MYO1D: variants seen among roughly 807,000 people sequenced by gnomAD.
The protein encoded by MYO1D is myosin ID, also known as unconventional myosin-Id.
In MYO1D, 83 loss-of-function variants were observed where a neutral mutation model predicts 122.0. The ratio of observed to expected loss-of-function variants is 0.68; its 90% CI spans 0.57 to 0.82. MYO1D has a LOEUF of 0.82. Among genes scored for constraint, MYO1D ranks in the 40% least tolerant of loss-of-function variants. MYO1D has a pLI of 0.00. For synonymous variants in MYO1D, 464 were observed against 446.9 expected, an observed-to-expected ratio of 1.04 and a Z score of -0.48; for missense variants, 1,157 against 1,269.5, an observed-to-expected ratio of 0.91 and a Z score of 1.35.
chr17:32,498,918 A>G (rs1219319269), intron 21 of MYO1D: 2 of 152,190 alleles, frequency 1.3e-5, no homozygotes, highest in African/African-American at 4.8e-5. Flanking sequence ...TAAATCCTAC[A>G]AGCAGGCCGG....
At chr17:32,502,792 A>G (rs983896782) in intron 21 of MYO1D, among the ~76,000 whole-genome samples, 1 of 152,202 alleles carries the variant, frequency 6.6e-6, no homozygotes, top group African/African-American at 2.4e-5. Flanking sequence ...TGGAAATCCA[A>G]CTAGAGCCAG....
chr17:32,772,914 G>A, intron 4 of MYO1D, 72 bp from the exon 5 acceptor site: 4 of 1,285,690 alleles, frequency 3.1e-6, no homozygotes, highest in African/African-American at 1.5e-5. Flanking sequence ...CACTTTCTTA[G>A]GGAACTGTCA....
intron 21 of MYO1D, among the ~76,000 whole-genome samples, chr17:32,580,233 C>T (rs1466883015): frequency 7.0e-6 from 1 of 141,930 alleles, no homozygotes. Context: ...GATTTTTTCA[C>T]AGATGTACTT....
At chr17:32,708,678 A>G (rs1053382620) in intron 16 of MYO1D, among the ~76,000 whole-genome samples, 1 of 152,224 alleles carries the variant, frequency 6.6e-6, no homozygotes. Flanking sequence ...TAGGTCGCAC[A>G]TAAGATACCC....
At chr17:32,783,404 A>G (rs1358044430) in intron 1 of MYO1D, among the ~76,000 whole-genome samples, 1 of 152,160 alleles carries the variant, frequency 6.6e-6, no homozygotes, top group Non-Finnish European at 1.5e-5. Flanking sequence ...AAAATAATTA[A>G]ATGGCTTGGC....
intron 21 of MYO1D, among the ~76,000 whole-genome samples, chr17:32,524,530 C>T (rs1242079788): frequency 2.0e-5 from 3 of 151,610 alleles, no homozygotes; most frequent in African/African-American, 4.9e-5. Context: ...GTAGCTGGGA[C>T]CACACAGGTG....
chr17:32,643,871 G>C (rs1460953257), intron 19 of MYO1D, among the ~76,000 whole-genome samples: 2 of 152,082 alleles, frequency 1.3e-5, no homozygotes, highest in East Asian at 1.9e-4. Context: ...CAACAAACCA[G>C]CTCCTGGATT....
At chr17:32,781,734 C>CAAAAAA (rs35583086) in intron 1 of MYO1D, among the ~76,000 whole-genome samples, 1 of 108,360 alleles carries the variant, frequency 9.2e-6, no homozygotes, top group African/African-American at 3.4e-5. Context: ...GGCCACAGGA[C>CAAAAAA]AAAAAAAAAA....
chr17:32,805,862 T>A lies in MYO1D; in HGVS notation c.96-25078A>T, dbSNP rs1380758877. Among the ~76,000 whole-genome samples the A allele has an allele frequency of 2.0e-5, 3 of 152,304 alleles. No homozygotes were observed. In the East Asian group the frequency reaches 5.8e-4, roughly 29 times the overall value. ...GATAGACATAGGACCTCAAGCCACA[T>A]CTTTAGGGCTTTTCACCATCTTTAT... On this transcript the variant is annotated intron_variant, in intron 1 of 21. Coordinates refer to ENST00000318217, the MANE Select transcript of MYO1D (RefSeq NM_015194.3).
chr17:32,643,098 T>C (rs1228178799), intron 19 of MYO1D, among the ~76,000 whole-genome samples: 1 of 152,226 alleles, frequency 6.6e-6, no homozygotes, highest in Non-Finnish European at 1.5e-5. Context: ...ATACGTCCCA[T>C]CAATACCTAA....
At chr17:32,537,191 T>C (rs1329290887) in intron 21 of MYO1D, among the ~76,000 whole-genome samples, 2 of 152,318 alleles carry the variant, frequency 1.3e-5, no homozygotes, top group South Asian at 2.1e-4. Context: ...ATTTAGAGTA[T>C]TCAAAACCTT....
intron 21 of MYO1D, among the ~76,000 whole-genome samples, chr17:32,499,683 G>A (rs914247291): frequency 5.3e-5 from 8 of 151,966 alleles, no homozygotes; most frequent in Admixed American, 2.0e-4. Context: ...AAAAAGCCAA[G>A]TATGGTGGCT....
At chr17:32,776,478 T>A (rs1247157451) in intron 3 of MYO1D, among the ~76,000 whole-genome samples, 2 of 152,214 alleles carry the variant, frequency 1.3e-5, no homozygotes, top group Non-Finnish European at 2.9e-5. Flanking sequence ...ATGGGCAAGG[T>A]AGGATTTCAG....
chr17:32,627,287 C>T (rs999428098), intron 20 of MYO1D, among the ~76,000 whole-genome samples: 2 of 152,250 alleles, frequency 1.3e-5, no homozygotes, highest in East Asian at 1.9e-4. Flanking sequence ...AGTAGGCTAG[C>T]GCACACCAGC....
At chr17:32,848,101 C>T (rs773631323) in intron 1 of MYO1D, among the ~76,000 whole-genome samples, 5 of 152,168 alleles carry the variant, frequency 3.3e-5, no homozygotes, top group Non-Finnish European at 5.9e-5. Context: ...AAATGGGCCT[C>T]TCTCCGTTCT....
At chr17:32,813,364 C>A (rs566584139) in intron 1 of MYO1D, among the ~76,000 whole-genome samples, 1 of 152,174 alleles carries the variant, frequency 6.6e-6, no homozygotes, top group Non-Finnish European at 1.5e-5. Flanking sequence ...AGAGGAAATG[C>A]AGGGAGATAT....
At chr17:32,776,458 G>A (rs986449685) in intron 3 of MYO1D, among the ~76,000 whole-genome samples, 1 of 152,212 alleles carries the variant, frequency 6.6e-6, no homozygotes, top group African/African-American at 2.4e-5. Flanking sequence ...CTAGACAGGA[G>A]ACTGATGGAA....
At position 32,871,888 on chromosome 17, in the gene MYO1D, A is replaced by G. The variant is rs911126964; in HGVS notation, c.95+4890T>C. Among the ~76,000 whole-genome samples, 13 of 152,310 alleles carry G rather than the reference A, an allele frequency of 8.5e-5. No homozygotes were observed. In the South Asian group the frequency reaches 1.9e-3, roughly 22 times the overall value. On this transcript the variant is annotated intron_variant, in intron 1 of 21. Coordinates refer to ENST00000318217, the MANE Select transcript of MYO1D (RefSeq NM_015194.3). ...ACTCACGTATAGGAATGGCCCATGT[A>G]AGGAGAAAAGGAACCAATGAGCTCC...
intron 20 of MYO1D, among the ~76,000 whole-genome samples, chr17:32,614,710 C>T (rs2150921445): frequency 6.6e-6 from 1 of 152,350 alleles, no homozygotes; most frequent in African/African-American, 2.4e-5. Flanking sequence ...ATGGTGGAAG[C>T]TGTGGCATAA....
Sources: gnomAD v4.1 joint callset for allele counts (sites outside exome capture counted in the v4.1 genomes callset) on GRCh38, gnomAD v4.1.1 for gene constraint, MANE v1.5 for transcripts, NCBI Gene and HGNC (gene_info 2026-07-23, HGNC 2026-07-21) for gene names.